Variants in MAP2K6 observed in about 807,000 individuals in gnomAD.
MAP2K6 encodes dual specificity mitogen-activated protein kinase kinase 6.
MAP2K6 carries 16 observed loss-of-function variants against 53.7 expected under a neutral mutation model. The ratio of observed to expected loss-of-function variants is 0.30; its 90% CI spans 0.20 to 0.45. The LOEUF (loss-of-function observed/expected upper bound fraction) is 0.45, where lower values mean the gene tolerates loss of function less well. Ranked by LOEUF, MAP2K6 falls within the 20% of genes least tolerant of loss-of-function variation. MAP2K6 has a pLI of 1.00. For synonymous variants in MAP2K6, 132 were observed against 143.1 expected (o/e 0.92, Z 0.55); for missense variants, 204 against 411.9 (o/e 0.50, Z 4.37).
intron 1 of MAP2K6, among the ~76,000 whole-genome samples, chr17:69,482,542 T>G (rs570174445): frequency 2.4e-4 from 37 of 151,960 alleles, no homozygotes; most frequent in African/African-American, 8.0e-4. Flanking sequence ...CTTATACAAA[T>G]GGTAATTTGT....
chr17:69,497,940 A>C (rs890088785), intron 1 of MAP2K6, among the ~76,000 whole-genome samples: 1 of 152,220 alleles, frequency 6.6e-6, no homozygotes, highest in African/African-American at 2.4e-5. Flanking sequence ...ACCACTTCGT[A>C]TGTGAGACCA....
Position 69,544,676 on chromosome 17 carries a change from T to A in MAP2K6, c.*2923T>A, listed in dbSNP as rs1911808161. On this transcript the variant is annotated 3_prime_UTR_variant, in exon 12 of 12. Coordinates refer to ENST00000590474, the MANE Select transcript of MAP2K6 (RefSeq NM_002758.4). Reference sequence around the variant, plus strand: ...GTCCATGTTATAATTTTTGAAAATGTTTATTAAAATAGCCATCTTTTTTGA... The same window carrying A: ...GTCCATGTTATAATTTTTGAAAATGATTATTAAAATAGCCATCTTTTTTGA... The A allele has an allele frequency of 6.6e-6, 1 of 152,190 alleles. No homozygotes were observed. Among genetic ancestry groups the A allele is most frequent in the Non-Finnish European group, 1.5e-5 (1 of 68,034 alleles). The allele number at this position is 152,190 out of a possible 1,614,324, so 9.4% of individuals were successfully genotyped here. A position where few individuals can be genotyped will look rare whatever the true frequency, so the allele number is the denominator to read the frequency against.
intron 1 of MAP2K6, among the ~76,000 whole-genome samples, chr17:69,495,098 TAAAA>T (rs33953795): frequency 0.01 from 1,405 of 136,234 alleles, 18 homozygotes; most frequent in African/African-American, 0.035. Flanking sequence ...TACTTCCACA[TAAAA>T]AAAAAAAAAA....
intron 1 of MAP2K6, chr17:69,477,672 C>G (rs1908199088): frequency 6.6e-6 from 1 of 152,210 alleles, no homozygotes; most frequent in Admixed American, 6.5e-5. Flanking sequence ...ACACCTGGCT[C>G]CACTCTTATC....
At chr17:69,518,727 A>G (rs1910304132) in intron 4 of MAP2K6, among the ~76,000 whole-genome samples, 1 of 152,232 alleles carries the variant, frequency 6.6e-6, no homozygotes, top group Non-Finnish European at 1.5e-5. Flanking sequence ...GTGAAGTCCC[A>G]GTGATATTGT....
rs774348039 is a variant in MAP2K6, at chr17:69,520,350, A to T, written c.447A>T (p.Thr149=). Reference sequence around the variant, plus strand: ...AACAAGTTATTGATAAAGGCCAGACAATTCCAGAGGACATCTTAGGGAAAA... The same window carrying T: ...AACAAGTTATTGATAAAGGCCAGACTATTCCAGAGGACATCTTAGGGAAAA... ...FYKQVIDKGQ[T]IPEDILGKIA... is the part of the protein sequence containing the mutation. Residue 149 remains threonine, a synonymous_variant, in exon 6 of 12, where the codon ACA becomes ACT. Coordinates refer to ENST00000590474, the MANE Select transcript of MAP2K6 (RefSeq NM_002758.4). The T allele has an allele frequency of 3.7e-6, 6 of 1,612,202 alleles. No individual in the cohort carries two copies. The South Asian group carries it at 6.6e-5, about 18-fold the overall frequency.
chr17:69,521,256 A>G (rs140864293), intron 7 of MAP2K6, 156 bp downstream of exon 7: 19 of 560,532 alleles, frequency 3.4e-5, no homozygotes, highest in Middle Eastern at 3.1e-4. Context: ...AGCAAACCAT[A>G]TAAGTAGTAT....
intron 1 of MAP2K6, among the ~76,000 whole-genome samples, chr17:69,417,343 T>C (rs817545): frequency 0.53 from 80,758 of 151,970 alleles, 21,783 homozygotes; most frequent in African/African-American, 0.62. Flanking sequence ...AATTTAACAA[T>C]ATGTTCAATT....
chr17:69,519,537 C>A, intron 5 of MAP2K6, 105 bp downstream of exon 5: 1 of 1,419,826 alleles, frequency 7.0e-7, no homozygotes, highest in Non-Finnish European at 9.8e-7. Flanking sequence ...TCTTGTTTGA[C>A]ACATCTTGTA....
At chr17:69,462,577 A>G (rs921406100) in intron 1 of MAP2K6, among the ~76,000 whole-genome samples, 2 of 151,934 alleles carry the variant, frequency 1.3e-5, no homozygotes, top group African/African-American at 4.8e-5. Context: ...CTTTTTCAAT[A>G]TGTGTATAGG....
intron 1 of MAP2K6, among the ~76,000 whole-genome samples, chr17:69,425,354 C>T (rs989646783): frequency 1.3e-5 from 2 of 151,890 alleles, no homozygotes; most frequent in African/African-American, 4.8e-5. Context: ...GCTCTGTCAC[C>T]CAGGCTGGAG....
In MAP2K6 at chr17:69,465,483, A is replaced by G. The variant is rs1211071338; in HGVS notation, c.17-40297A>G. On this transcript the variant is annotated intron_variant, in intron 1 of 11. Transcript: ENST00000590474. ...TCAGCAAATGTTTGTGAAGCGACCT[A>G]CTGTACACTTGGCAGCAGGCTGAAA... is the stretch of plus-strand genomic sequence containing the variant. Among the ~76,000 whole-genome samples the G allele has an allele frequency of 2.0e-5, 3 of 152,106 alleles. No homozygotes were observed. The East Asian group carries it at 5.8e-4, about 29-fold the overall frequency.
intron 1 of MAP2K6, among the ~76,000 whole-genome samples, chr17:69,431,402 T>C (rs1906457617): frequency 6.6e-6 from 1 of 151,980 alleles, no homozygotes; most frequent in Non-Finnish European, 1.5e-5. Context: ...TAGCTTAAGT[T>C]ATCAAATACT....
At chr17:69,540,964 A>G (rs191040629) in intron 11 of MAP2K6, among the ~76,000 whole-genome samples, 2 of 152,314 alleles carry the variant, frequency 1.3e-5, no homozygotes, top group East Asian at 3.9e-4. Context: ...TTCCTGAGAA[A>G]TAAAAGTGCA....
At chr17:69,419,786 G>T (rs1164972920) in intron 1 of MAP2K6, among the ~76,000 whole-genome samples, 4 of 151,998 alleles carry the variant, frequency 2.6e-5, no homozygotes, top group Non-Finnish European at 4.4e-5. Context: ...AATTAGTCAG[G>T]CGTGGTGGTG....
At chr17:69,520,750 A>G (rs1029331293) in intron 6 of MAP2K6, 4 of 392,102 alleles carry the variant, frequency 1.0e-5, no homozygotes, top group Non-Finnish European at 1.8e-5. Flanking sequence ...AAATAAATAG[A>G]AAGAAGGTCT....
At chr17:69,503,161 G>A (rs2145217826) in intron 1 of MAP2K6, among the ~76,000 whole-genome samples, 1 of 152,290 alleles carries the variant, frequency 6.6e-6, no homozygotes, top group African/African-American at 2.4e-5. Flanking sequence ...GGGATTACCT[G>A]AATTATCTGT....
rs558750327 is a variant in MAP2K6 at position 69,551,254 on chromosome 17, G to T, written c.*9501G>T. ...TTGGACAATGTTGACACAGACAGGG[G>T]TACGGTCTGAGACTCAAGCTAACAG... On this transcript the variant is annotated 3_prime_UTR_variant, in exon 12 of 12. Transcript: ENST00000590474. 6.6e-6 allele frequency: 1 copy of T among 152,268 alleles called. No homozygotes were observed. Among genetic ancestry groups the T allele is most frequent in the Admixed American group, 6.5e-5 (1 of 15,286 alleles). 9.4% of individuals were successfully genotyped at this position (152,268 alleles called of 1,614,324 possible).
chr17:69,533,733 TTG>T (rs1444709506), intron 10 of MAP2K6, among the ~76,000 whole-genome samples: 26 of 121,078 alleles, frequency 2.1e-4, no homozygotes, highest in East Asian at 6.8e-4. Context: ...TCTAGCCTGT[TTG>T]TTTTTTTTTT....
Sources: gnomAD v4.1 joint callset for allele counts (sites outside exome capture counted in the v4.1 genomes callset) on GRCh38, gnomAD v4.1.1 for gene constraint, MANE v1.5 for transcripts, NCBI Gene and HGNC (gene_info 2026-07-23, HGNC 2026-07-21) for gene names.